The following SCUBE1 variants were observed in gnomAD, a reference collection of about 807,000 sequenced individuals.
SCUBE1 encodes the protein signal peptide, CUB and EGF-like domain-containing protein 1.
In SCUBE1, 59 loss-of-function variants were observed where a neutral mutation model predicts 124.4. That is an observed-to-expected ratio of 0.47 (90% CI 0.38 to 0.59). The LOEUF is 0.59. Ranked by LOEUF, SCUBE1 falls within the 20% of genes least tolerant of loss-of-function variation. The pLI is 0.00. For synonymous variants in SCUBE1, 545 were observed against 550.9 expected (o/e 0.99, Z 0.15); for missense variants, 1,150 against 1,371.2 (o/e 0.84, Z 2.55).
chr22:43,227,843 G>A (rs547912757), intron 9 of SCUBE1, among the ~76,000 whole-genome samples: 20 of 152,302 alleles, frequency 1.3e-4, no homozygotes, highest in Non-Finnish European at 1.9e-4. Flanking sequence ...TTGTGAAACT[G>A]ATTTTACCGT....
Position 43,278,909 on chromosome 22 carries a change from G to C in SCUBE1, c.484+12137C>G, listed in dbSNP as rs148466068. ...GGCCTGTCGAGGACACCTGAGCTGC[G>C]GGAGGGTGGGGCTGGGCCTCCTGAG... On this transcript the variant is annotated intron_variant, in intron 4 of 21. Transcript: ENST00000360835. 1.7e-3 allele frequency among the ~76,000 whole-genome samples: 256 copies of C among 152,258 alleles called. 2 individuals are homozygous for C. Among genetic ancestry groups the C allele is most frequent in the Middle Eastern group, 0.01 (3 of 294 alleles).
intron 6 of SCUBE1, among the ~76,000 whole-genome samples, chr22:43,253,117 G>A (rs532238652): frequency 1.9e-4 from 28 of 147,186 alleles, no homozygotes; most frequent in African/African-American, 5.6e-4. Context: ...TTAATACAAC[G>A]TGGGGGCAGG....
rs1383511594 is a variant in SCUBE1, at chr22:43,198,678, T to C, written c.*5319A>G. 6 of 456,592 alleles carry C rather than the reference T, an allele frequency of 1.3e-5. No individual in the cohort carries two copies. The highest frequency in any genetic ancestry group is 2.6e-5 in the Non-Finnish European group (6 of 226,984). The allele number at this position is 456,592 out of a possible 1,614,324, so 28.3% of individuals were successfully genotyped here. On this transcript the variant is annotated 3_prime_UTR_variant, in exon 22 of 22. Transcript: ENST00000360835. The stretch of plus-strand genomic sequence containing the variant: ...CAATGTCAGGTGCAGTTTGCCAGGG[T>C]GACCAGACTTCCTGAGCATGGACCA...
At chr22:43,207,442 T>G (rs1921336045) in intron 21 of SCUBE1, 92 bp downstream of exon 21, 3 of 998,580 alleles carry the variant, frequency 3.0e-6, no homozygotes, top group Non-Finnish European at 3.2e-6. Flanking sequence ...CCCTTGCTCC[T>G]CCAGGGGCCA....
At chr22:43,332,799 G>A (rs897675192) in intron 2 of SCUBE1, among the ~76,000 whole-genome samples, 2 of 152,166 alleles carry the variant, frequency 1.3e-5, no homozygotes, top group African/African-American at 2.4e-5. Context: ...ACTGTCCACC[G>A]ACACCAGCTC....
chr22:43,301,396 G>A (rs1159032937), intron 3 of SCUBE1, among the ~76,000 whole-genome samples: 1 of 152,080 alleles, frequency 6.6e-6, no homozygotes, highest in African/African-American at 2.4e-5. Flanking sequence ...GTCCCCCCGG[G>A]CTCCTCCTCG....
rs1313920980 is a variant in SCUBE1, at chr22:43,258,771, T to C, written c.611-436A>G. 6.6e-6 allele frequency among the ~76,000 whole-genome samples: 1 copy of C among 152,156 alleles called. No homozygotes were observed. The highest frequency in any genetic ancestry group is 1.5e-5 in the Non-Finnish European group (1 of 68,034). On this transcript the variant is annotated intron_variant, in intron 5 of 21. Coordinates refer to ENST00000360835, the MANE Select transcript of SCUBE1 (RefSeq NM_173050.5). The surrounding 1 kb of genome is among the most constrained non-coding windows in gnomAD (Gnocchi z 5.0). ...GGCGGCCCGTGGTTCCAGGTGACCCTCATTTCCTTAGTTCTGGCAGAGCTT... is the reference window on the plus strand; with the variant it reads ...GGCGGCCCGTGGTTCCAGGTGACCCCCATTTCCTTAGTTCTGGCAGAGCTT...
intron 3 of SCUBE1, among the ~76,000 whole-genome samples, chr22:43,297,727 T>C (rs2007836): frequency 0.72 from 109,708 of 152,148 alleles, 41,365 homozygotes; most frequent in Admixed American, 0.83. Flanking sequence ...GCTGGCTGTT[T>C]GTTCTACTTT....
At chr22:43,319,018 G>A (rs553015420) in intron 3 of SCUBE1, among the ~76,000 whole-genome samples, 4 of 152,180 alleles carry the variant, frequency 2.6e-5, no homozygotes, top group African/African-American at 4.8e-5. Flanking sequence ...CACCACACCC[G>A]ACCTCTTATA....
chr22:43,271,769 C>A (rs969355169), intron 4 of SCUBE1, among the ~76,000 whole-genome samples: 1 of 152,136 alleles, frequency 6.6e-6, no homozygotes. Flanking sequence ...AGGGGGTAGT[C>A]CCCTCTGGGA....
intron 10 of SCUBE1, among the ~76,000 whole-genome samples, chr22:43,224,822 T>G (rs979674960): frequency 1.3e-5 from 2 of 152,206 alleles, no homozygotes; most frequent in African/African-American, 4.8e-5. Flanking sequence ...GATCATGGGC[T>G]GGTTATGCCA....
intron 9 of SCUBE1, 57 bp from the exon 10 acceptor site, chr22:43,227,553 G>A (rs1922374792): frequency 3.1e-6 from 5 of 1,589,652 alleles, no homozygotes; most frequent in Non-Finnish European, 2.6e-6. Context: ...CGGCTGGCAG[G>A]GGAAGGGACC....
At chr22:43,308,405 G>C (rs145504327) in intron 3 of SCUBE1, among the ~76,000 whole-genome samples, 1 of 152,288 alleles carries the variant, frequency 6.6e-6, no homozygotes, top group South Asian at 2.1e-4. Flanking sequence ...AGAAAATATT[G>C]GTGTTTATGG....
chr22:43,286,074 C>G (rs550289962), intron 4 of SCUBE1, among the ~76,000 whole-genome samples: 2 of 152,200 alleles, frequency 1.3e-5, no homozygotes, highest in Non-Finnish European at 2.9e-5. Flanking sequence ...ACTCTGCGGC[C>G]GGCTTGTTGT....
In SCUBE1 at chr22:43,258,087, G is replaced by T; in HGVS notation, c.727+132C>A. On this transcript the variant is annotated intron_variant, in intron 6 of 21. Coordinates refer to ENST00000360835, the MANE Select transcript of SCUBE1 (RefSeq NM_173050.5). This position sits in a 1 kb window ranked among gnomAD's most constrained non-coding sequence, Gnocchi z 5.0. ...CCATCCCCGCCATTGCCATGGGCTT[G>T]CCTTTCCTTGTTTCCCTGAAGCTTC... 1 of 725,176 alleles carries T rather than the reference G, an allele frequency of 1.4e-6. No homozygotes were observed. Among genetic ancestry groups the T allele is most frequent in the Non-Finnish European group, 2.4e-6 (1 of 413,882 alleles). 44.9% of individuals were successfully genotyped at this position (725,176 alleles called of 1,614,324 possible).
At chr22:43,213,751 T>TA in intron 16 of SCUBE1, 1 of 194,276 alleles carries the variant, frequency 5.1e-6, no homozygotes, top group Non-Finnish European at 1.0e-5. Context: ...TAGTCCACCA[T>TA]AAGGCACTTA....
chr22:43,205,428 A>G (rs996671967), intron 21 of SCUBE1, among the ~76,000 whole-genome samples: 12 of 152,016 alleles, frequency 7.9e-5, no homozygotes, highest in Non-Finnish European at 1.5e-5. Flanking sequence ...CAGAGTCCCC[A>G]GAGCCTGGCC....
At position 43,211,670 on chromosome 22, in the gene SCUBE1, C is replaced by T. The variant is rs947782895; in HGVS notation, c.2222-587G>A. Among the ~76,000 whole-genome samples, 2 of 152,048 alleles carry T rather than the reference C, an allele frequency of 1.3e-5. No homozygotes were observed. Among genetic ancestry groups the T allele is most frequent in the Non-Finnish European group, 2.9e-5 (2 of 68,000 alleles). ...TAGCTGGGATTACAGGTGCACATCA[C>T]CACACCCGGCTAATTATTTTTGTAT... On this transcript the variant is annotated intron_variant, in intron 17 of 21. Transcript: ENST00000360835. The surrounding 1 kb of genome is among the most constrained non-coding windows in gnomAD (Gnocchi z 4.5).
At chr22:43,282,031 G>A (rs1262829404) in intron 4 of SCUBE1, 2 of 152,818 alleles carry the variant, frequency 1.3e-5, no homozygotes, top group African/African-American at 2.4e-5. Context: ...TGCAAGGACA[G>A]GCTGGCCTGA....
Sources: gnomAD v4.1 joint callset for allele counts (sites outside exome capture counted in the v4.1 genomes callset) on GRCh38, gnomAD v4.1.1 for gene constraint, Gnocchi (gnomAD v3.1) non-coding constraint, MANE v1.5 for transcripts, NCBI Gene and HGNC (gene_info 2026-07-23, HGNC 2026-07-21) for gene names.